AOX1: variants seen among roughly 807,000 people sequenced by gnomAD.
AOX1 encodes aldehyde oxidase.
A neutral mutation model predicts 169.5 loss-of-function variants in AOX1; 153 were observed. The ratio of observed to expected loss-of-function variants is 0.90; its 90% CI spans 0.79 to 1.03. The LOEUF is 1.03. AOX1 is among the 50% of genes least tolerant of loss of function. The probability of loss-of-function intolerance (pLI) is 0.00; values close to 1 mark genes in which losing one functional copy is unlikely to be tolerated. For synonymous variants in AOX1, 562 were observed against 581.9 expected (o/e 0.97, Z 0.49); for missense variants, 1,656 against 1,663.9 (o/e 1.00, Z 0.08).
At chr2:200,640,393 G>T (rs1032165487) in intron 23 of AOX1, among the ~76,000 whole-genome samples, 4 of 152,122 alleles carry the variant, frequency 2.6e-5, no homozygotes, top group Admixed American at 2.0e-4. Context: ...GATGGAAGCT[G>T]GTAGACAGCG....
intron 7 of AOX1, among the ~76,000 whole-genome samples, chr2:200,603,606 T>C (rs2034457021): frequency 6.6e-6 from 1 of 152,242 alleles, no homozygotes; most frequent in South Asian, 2.1e-4. Flanking sequence ...CCTTAGTGTC[T>C]CTTAGCTTTT....
intron 30 of AOX1, among the ~76,000 whole-genome samples, chr2:200,662,404 C>A (rs1052742800): frequency 2.0e-5 from 3 of 152,048 alleles, no homozygotes; most frequent in African/African-American, 7.2e-5. Flanking sequence ...TGGTGAGAGA[C>A]CAGAGTAGAG....
At chr2:200,603,873 T>A in intron 7 of AOX1, 144 bp from the exon 8 acceptor site, 1 of 609,188 alleles carries the variant, frequency 1.6e-6, no homozygotes, top group Non-Finnish European at 2.9e-6. Context: ...AGCCCTTGGT[T>A]TGGAGCGCGG....
chr2:200,664,975 C>T (rs2035899207), intron 31 of AOX1, among the ~76,000 whole-genome samples: 2 of 152,206 alleles, frequency 1.3e-5, no homozygotes, highest in African/African-American at 4.8e-5. Context: ...TCTCAAGGCT[C>T]AACGGGGACA....
In AOX1 at chr2:200,668,660, G is replaced by T; in HGVS notation, c.3655G>T (p.Glu1219Ter). ...IQGMGLYTIE[E>*]LNYSPQGILH... is the part of the protein sequence containing the mutation. ...AGGCATGGGACTTTATACAATAGAG[G>T]AACTGAATTATTCTCCCCAGGGCAT... Residue 1219 changes from glutamate to a stop codon, truncating the protein, a stop_gained, in exon 33 of 35, where the codon GAA becomes TAA. Coordinates refer to ENST00000374700, the MANE Select transcript of AOX1 (RefSeq NM_001159.4). LOFTEE classifies it high-confidence loss of function. 1.2e-6 allele frequency: 2 copies of T among 1,613,918 alleles called. No individual in the cohort carries two copies. The highest frequency in any genetic ancestry group is 1.7e-6 in the Non-Finnish European group (2 of 1,179,972).
intron 13 of AOX1, among the ~76,000 whole-genome samples, chr2:200,612,091 CCTAA>C (rs1213911271): frequency 2.0e-5 from 3 of 152,112 alleles, no homozygotes; most frequent in Admixed American, 2.0e-4. Context: ...AGCCTTTCTC[CCTAA>C]ATATGACATG....
chr2:200,608,265 G>A (rs1186588107), intron 10 of AOX1, among the ~76,000 whole-genome samples: 6 of 152,162 alleles, frequency 3.9e-5, no homozygotes, highest in Admixed American at 3.9e-4. Flanking sequence ...TTTTACTGAA[G>A]AACTTCTTCT....
intron 25 of AOX1, among the ~76,000 whole-genome samples, chr2:200,643,591 G>C (rs2035398462): frequency 6.6e-6 from 1 of 152,070 alleles, no homozygotes; most frequent in Non-Finnish European, 1.5e-5. Context: ...GGATTGCTGG[G>C]TCAAATGGTA....
chr2:200,586,296 T>C, intron 1 of AOX1, 143 bp downstream of exon 1: 1 of 916,898 alleles, frequency 1.1e-6, no homozygotes. Context: ...AACAGCGGCT[T>C]TGCCTTCGCA....
chr2:200,614,067 A>G, intron 15 of AOX1, 101 bp downstream of exon 15: 1 of 1,157,004 alleles, frequency 8.6e-7, no homozygotes, highest in Non-Finnish European at 1.2e-6. Flanking sequence ...AGAATAAAAA[A>G]GACAATCCAC....
In AOX1 at chr2:200,586,390, C is replaced by G. The variant is rs746565839; in HGVS notation, c.45+237C>G. On this transcript the variant is annotated intron_variant, in intron 1 of 34. Coordinates refer to ENST00000374700, the MANE Select transcript of AOX1 (RefSeq NM_001159.4). ...TTTGGGCCCCCACCTTCCTTATGTT[C>G]CCCTTTCCTCTCCTTCCAAGGCTCA... 1.3e-4 allele frequency among the ~76,000 whole-genome samples: 20 copies of G among 152,318 alleles called. No homozygotes were observed. The Middle Eastern group carries it at 0.01, about 78-fold the overall frequency.
intron 30 of AOX1, among the ~76,000 whole-genome samples, 155 bp downstream of exon 30, chr2:200,661,786 TG>T (rs2105770333): frequency 6.6e-6 from 1 of 152,356 alleles, no homozygotes; most frequent in East Asian, 1.9e-4. Flanking sequence ...TCCATGGTTG[TG>T]GTTATAAAGA....
intron 22 of AOX1, 144 bp downstream of exon 22, chr2:200,637,188 A>G (rs1174991224): frequency 1.2e-5 from 12 of 1,023,460 alleles, no homozygotes; most frequent in Non-Finnish European, 1.5e-5. Flanking sequence ...AGCTTATTAC[A>G]CTTACTTGTC....
intron 34 of AOX1, 97 bp downstream of exon 34, chr2:200,669,839 T>A: frequency 7.5e-7 from 1 of 1,327,286 alleles, no homozygotes; most frequent in Non-Finnish European, 1.0e-6. Flanking sequence ...CTGCTGTGGC[T>A]TTTCTTGCCA....
Position 200,636,916 on chromosome 2 carries a change from T to C in AOX1, c.2352T>C (p.Ile784=). The C allele has an allele frequency of 6.2e-7, 1 of 1,613,960 alleles. No individual in the cohort carries two copies. The change falls in exon 22 of 35, where the codon ATT becomes ATC. Residue 784 remains isoleucine (I), a synonymous_variant. Transcript: ENST00000374700. The part of the protein sequence containing the change: ...STQFPKYIQD[I]VASTLKLPAN... ...AGAACTATTATTGTTCACAGGACAT[T>C]GTTGCCTCAACCTTGAAGCTCCCAG...
chr2:200,651,280 T>G, intron 26 of AOX1, 79 bp downstream of exon 26: 6 of 1,220,380 alleles, frequency 4.9e-6, no homozygotes, highest in Non-Finnish European at 7.2e-6. Context: ...AAACTTCTCC[T>G]TAAGTCATAT....
chr2:200,624,013 G>T, intron 19 of AOX1, 30 bp downstream of exon 19: 2 of 1,610,358 alleles, frequency 1.2e-6, no homozygotes, highest in Non-Finnish European at 8.5e-7. Flanking sequence ...GGTGGTGCCA[G>T]TTGGGAGCCA....
intron 19 of AOX1, among the ~76,000 whole-genome samples, chr2:200,625,311 T>C (rs780564610): frequency 4.6e-5 from 7 of 152,284 alleles, no homozygotes; most frequent in African/African-American, 1.7e-4. Flanking sequence ...TAACACTTCA[T>C]CAATATTTTG....
intron 5 of AOX1, among the ~76,000 whole-genome samples, chr2:200,600,777 G>A (rs2034397741): frequency 6.6e-6 from 1 of 152,150 alleles, no homozygotes; most frequent in East Asian, 1.9e-4. Flanking sequence ...TGTTTATGAT[G>A]TAAACAAGTG....
Sources: gnomAD v4.1 joint callset for allele counts (sites outside exome capture counted in the v4.1 genomes callset) on GRCh38, gnomAD v4.1.1 for gene constraint, MANE v1.5 for transcripts, NCBI Gene and HGNC (gene_info 2026-07-23, HGNC 2026-07-21) for gene names.